The following CHD7 variants were observed in gnomAD, a reference collection of about 807,000 sequenced individuals.
The protein encoded by CHD7 is chromodomain helicase DNA binding protein 7.
CHD7 carries 24 observed loss-of-function variants against 307.3 expected under a neutral mutation model. That is an observed-to-expected ratio of 0.08 (90% confidence interval 0.06 to 0.11). The LOEUF (loss-of-function observed/expected upper bound fraction) is 0.11, where lower values mean the gene tolerates loss of function less well. Ranked by LOEUF, CHD7 falls within the 10% of genes least tolerant of loss-of-function variation. CHD7 has a pLI of 1.00. For synonymous variants in CHD7, 1,363 were observed against 1,349.9 expected (o/e 1.01, Z -0.21); for missense variants, 3,106 against 3,727.1 (o/e 0.83, Z 4.34).
chr8:60,680,360 T>TGCGGGGCGGGCGCGGCGGC (rs1805544784), intron 1 of CHD7, among the ~76,000 whole-genome samples: 1 of 100,900 alleles, frequency 9.9e-6, no homozygotes, highest in African/African-American at 3.8e-5. Flanking sequence ...TGGGCTGCGG[T>TGCGGGGCGGGCGCGGCGGC]GCGGGGCGGG....
Position 60,697,188 on chromosome 8 carries a change from G to C in CHD7, c.-175+18106G>C, listed in dbSNP as rs550707035. Among the ~76,000 whole-genome samples, 203 of 152,282 alleles carry C rather than the reference G, an allele frequency of 1.3e-3. 2 individuals are homozygous for C. The highest frequency in any genetic ancestry group is 2.7e-3 in the Admixed American group (42 of 15,300). ...GAACTAAAGTTAAACAGTTTATTCT[G>C]TCTTGGAGTTAGTTGGTGTAGGTTA... On this transcript the variant is annotated intron_variant, in intron 1 of 37. Transcript: ENST00000423902.
intron 1 of CHD7, among the ~76,000 whole-genome samples, chr8:60,702,565 T>A (rs972773244): frequency 1.3e-5 from 2 of 152,246 alleles, no homozygotes; most frequent in African/African-American, 4.8e-5. Flanking sequence ...GTGGAGACTG[T>A]GATCTTGGTT....
At chr8:60,848,691 A>T in intron 24 of CHD7, 87 bp downstream of exon 24, 1 of 1,013,196 alleles carries the variant, frequency 9.9e-7, no homozygotes, top group Non-Finnish European at 1.5e-6. Context: ...CAGAACCTTC[A>T]TAAACCACTA....
At chr8:60,703,138 CTT>C (rs1165502407) in intron 1 of CHD7, among the ~76,000 whole-genome samples, 1 of 152,182 alleles carries the variant, frequency 6.6e-6, no homozygotes, top group Non-Finnish European at 1.5e-5. Context: ...GTCACTCTCT[CTT>C]TCTCCTCCTC....
chr8:60,783,708 C>A (rs756318830), intron 3 of CHD7, among the ~76,000 whole-genome samples: 1 of 152,158 alleles, frequency 6.6e-6, no homozygotes, highest in Admixed American at 6.5e-5. Context: ...GTCTGATGAG[C>A]CTGCGGATTT....
chr8:60,830,710 G>C, intron 15 of CHD7, 133 bp downstream of exon 15: 3 of 974,528 alleles, frequency 3.1e-6, no homozygotes, highest in Non-Finnish European at 4.5e-6. Context: ...GGTTTCACCA[G>C]CTTCCCACTT....
intron 11 of CHD7, 127 bp from the exon 12 acceptor site, chr8:60,822,376 A>G: frequency 1.1e-6 from 1 of 912,578 alleles, no homozygotes; most frequent in South Asian, 2.5e-5. Context: ...TATTTTGTTG[A>G]ATCTAAGAGA....
At chr8:60,850,991 A>G in intron 26 of CHD7, 41 bp from the exon 27 acceptor site, 2 of 1,381,488 alleles carry the variant, frequency 1.4e-6, no homozygotes, top group Non-Finnish European at 2.0e-6. Context: ...TCTTTTGCTT[A>G]TCAGTATGAT....
chr8:60,836,777 C>A, intron 16 of CHD7, 40 bp from the exon 17 acceptor site: 1 of 1,468,530 alleles, frequency 6.8e-7, no homozygotes, highest in South Asian at 1.2e-5. Flanking sequence ...TATGTTGTCG[C>A]TATGCGTCAG....
chr8:60,737,096 G>C (rs371835434), intron 1 of CHD7, among the ~76,000 whole-genome samples: 80 of 151,762 alleles, frequency 5.3e-4, no homozygotes, highest in Non-Finnish European at 8.7e-4. Flanking sequence ...TTTCATCTTG[G>C]TTTCTTGCGC....
chr8:60,696,784 A>G (rs1017649247), intron 1 of CHD7, among the ~76,000 whole-genome samples: 1 of 151,828 alleles, frequency 6.6e-6, no homozygotes, highest in South Asian at 2.1e-4. Context: ...TTTAGGTACC[A>G]TAATTTTCCA....
At chr8:60,765,693 T>TGG (rs1810440524) in intron 2 of CHD7, among the ~76,000 whole-genome samples, 1 of 152,314 alleles carries the variant, frequency 6.6e-6, no homozygotes, top group East Asian at 1.9e-4. Flanking sequence ...GAGGAGGACA[T>TGG]GGGCCAGGAG....
chr8:60,833,500 G>A (rs184130144), intron 15 of CHD7, among the ~76,000 whole-genome samples: 5 of 152,300 alleles, frequency 3.3e-5, no homozygotes, highest in Admixed American at 2.0e-4. Context: ...ATTTCAGAGA[G>A]AAAATAGTAA....
At chr8:60,728,879 G>A (rs778840372) in intron 1 of CHD7, among the ~76,000 whole-genome samples, 4 of 152,126 alleles carry the variant, frequency 2.6e-5, no homozygotes, top group African/African-American at 9.7e-5. Context: ...GTAAACTTAT[G>A]TTATAGGGGT....
intron 1 of CHD7, among the ~76,000 whole-genome samples, chr8:60,740,050 G>C (rs750983581): frequency 6.6e-6 from 1 of 152,180 alleles, no homozygotes; most frequent in African/African-American, 2.4e-5. Context: ...GATTTAATTA[G>C]TGTTCAACAA....
At chr8:60,685,703 TTAA>T (rs1319252879) in intron 1 of CHD7, among the ~76,000 whole-genome samples, 1 of 152,208 alleles carries the variant, frequency 6.6e-6, no homozygotes. Flanking sequence ...ATAAACCAGT[TTAA>T]TAAGTAAATT....
At chr8:60,792,326 G>A (rs1811815545) in intron 3 of CHD7, among the ~76,000 whole-genome samples, 2 of 152,154 alleles carry the variant, frequency 1.3e-5, no homozygotes, top group African/African-American at 4.8e-5. Context: ...AGTAGCAAAG[G>A]CAATTTAATT....
In CHD7 at chr8:60,866,019, GT is replaced by G; in HGVS notation, c.*90del. 1.6e-6 allele frequency: 2 copies of G among 1,231,836 alleles called. No homozygotes were observed. Among genetic ancestry groups the G allele is most frequent in the Non-Finnish European group, 2.3e-6 (2 of 868,650 alleles). The allele number at this position is 1,231,836 out of a possible 1,614,324, so 76.3% of individuals were successfully genotyped here. On this transcript the variant is annotated 3_prime_UTR_variant, in exon 38 of 38. Coordinates refer to ENST00000423902, the MANE Select transcript of CHD7 (RefSeq NM_017780.4). ...CACTCACAGTTAATGTTCATACCTA[GT>G]TTTATAAGCTGTTCTGTAACATAGT...
At chr8:60,848,902 G>T in intron 24 of CHD7, 149 bp from the exon 25 acceptor site, 1 of 696,178 alleles carries the variant, frequency 1.4e-6, no homozygotes, top group Non-Finnish European at 2.6e-6. Flanking sequence ...GAGGGCTACT[G>T]ACTCATGCCC....
Sources: allele counts gnomAD v4.1 joint callset (sites outside exome capture counted in the v4.1 genomes callset), GRCh38; gene constraint gnomAD v4.1.1; transcripts MANE v1.5; gene names NCBI Gene and HGNC (gene_info 2026-07-23, HGNC 2026-07-21).